Variants in PGM5 observed in about 807,000 individuals in gnomAD.
PGM5 encodes phosphoglucomutase 5.
PGM5 carries 23 observed loss-of-function variants against 59.2 expected under a neutral mutation model. The ratio of observed to expected loss-of-function variants is 0.39; its 90% CI spans 0.28 to 0.55. The LOEUF is 0.55. Ranked by LOEUF, PGM5 falls within the 20% of genes least tolerant of loss-of-function variation. The pLI is 0.66. For missense variants in PGM5, 574 were observed against 748.3 expected, an observed-to-expected ratio of 0.77 and a Z score of 2.72; for synonymous variants, 214 against 286.0, an observed-to-expected ratio of 0.75 and a Z score of 2.54.
intron 7 of PGM5, among the ~76,000 whole-genome samples, chr9:68,478,252 T>G (rs898092255): frequency 2.6e-5 from 4 of 152,244 alleles, no homozygotes; most frequent in Non-Finnish European, 5.9e-5. Context: ...TCTTCATTTG[T>G]GTGCCTGATG....
intron 6 of PGM5, among the ~76,000 whole-genome samples, chr9:68,427,798 G>A (rs1169925761): frequency 3.3e-5 from 5 of 152,134 alleles, no homozygotes; most frequent in Non-Finnish European, 7.3e-5. Context: ...CCAATCCTAG[G>A]TTTTCCATGA....
intron 9 of PGM5, among the ~76,000 whole-genome samples, chr9:68,494,547 C>T (rs1554688051): frequency 6.6e-6 from 1 of 152,164 alleles, no homozygotes; most frequent in Non-Finnish European, 1.5e-5. Context: ...CAAGTAACAC[C>T]CCAAAAGAAT....
intron 2 of PGM5, 105 bp downstream of exon 2, chr9:68,378,466 C>T: frequency 7.2e-7 from 1 of 1,383,096 alleles, no homozygotes; most frequent in East Asian, 2.6e-5. Context: ...TGCAGAGGAC[C>T]TAGCTCAGAA....
At chr9:68,499,467 T>C (rs554701298) in intron 10 of PGM5, 106 bp downstream of exon 10, 116 of 1,177,818 alleles carry the variant, frequency 9.8e-5, no homozygotes, top group Middle Eastern at 9.4e-4. Flanking sequence ...GAAAGGTACA[T>C]GATAATTTCA....
intron 2 of PGM5, among the ~76,000 whole-genome samples, chr9:68,382,384 T>C (rs1290970184): frequency 6.6e-6 from 1 of 151,724 alleles, no homozygotes; most frequent in Non-Finnish European, 1.5e-5. Context: ...GAACTAAATA[T>C]AAGATCTGAA....
At chr9:68,486,061 T>G (rs781855799) in intron 9 of PGM5, among the ~76,000 whole-genome samples, 2 of 152,158 alleles carry the variant, frequency 1.3e-5, no homozygotes, top group Non-Finnish European at 2.9e-5. Context: ...GAGTCTGGGG[T>G]ACACTTTAGG....
At chr9:68,485,713 G>C (rs1270994472) in intron 9 of PGM5, among the ~76,000 whole-genome samples, 1 of 152,114 alleles carries the variant, frequency 6.6e-6, no homozygotes, top group Non-Finnish European at 1.5e-5. Context: ...GCTATAAATG[G>C]ATACATGCTG....
intron 10 of PGM5, among the ~76,000 whole-genome samples, chr9:68,512,993 C>G (rs1824775098): frequency 6.6e-6 from 1 of 152,178 alleles, no homozygotes; most frequent in South Asian, 2.1e-4. Flanking sequence ...ATGGCTGCAC[C>G]AAAACCAGGT....
In PGM5 at chr9:68,454,500, G is replaced by A. The variant is rs1823742358; in HGVS notation, c.1044-10593G>A. On this transcript the variant is annotated intron_variant, in intron 6 of 10. Transcript: ENST00000396396. ...TCCATCTCAAAAATAGTTTGTTATG[G>A]CAGGATGATGCCGCAGTAGGAGAGT... Among the ~76,000 whole-genome samples the A allele has an allele frequency of 2.0e-5, 3 of 152,192 alleles. No individual in the cohort carries two copies. The South Asian group carries it at 6.2e-4, about 31-fold the overall frequency.
At chr9:68,436,672 CA>C (rs1823446678) in intron 6 of PGM5, among the ~76,000 whole-genome samples, 1 of 152,248 alleles carries the variant, frequency 6.6e-6, no homozygotes, top group African/African-American at 2.4e-5. Context: ...CCAACCACTT[CA>C]TCTCACAAAA....
chr9:68,490,396 G>A (rs2132098404), intron 9 of PGM5, among the ~76,000 whole-genome samples: 1 of 152,322 alleles, frequency 6.6e-6, no homozygotes, highest in African/African-American at 2.4e-5. Flanking sequence ...CACCAGGCTG[G>A]AGTGCAGTGG....
chr9:68,365,579 G>A (rs1473869969), intron 1 of PGM5, among the ~76,000 whole-genome samples: 1 of 152,192 alleles, frequency 6.6e-6, no homozygotes, highest in Non-Finnish European at 1.5e-5. Flanking sequence ...TGTATGAAAA[G>A]AAAAATTTCA....
At chr9:68,408,201 G>C (rs527750796) in intron 6 of PGM5, among the ~76,000 whole-genome samples, 1 of 152,292 alleles carries the variant, frequency 6.6e-6, no homozygotes, top group Non-Finnish European at 1.5e-5. Flanking sequence ...TGTGAGATTT[G>C]GATAAGGTCG....
chr9:68,375,666 G>T (rs1821859958), intron 1 of PGM5, among the ~76,000 whole-genome samples: 1 of 152,136 alleles, frequency 6.6e-6, no homozygotes, highest in African/African-American at 2.4e-5. Context: ...AAAAGTCCTT[G>T]GGCTTTACAT....
chr9:68,459,869 A>T (rs976941732), intron 6 of PGM5, among the ~76,000 whole-genome samples: 2 of 149,262 alleles, frequency 1.3e-5, no homozygotes, highest in Admixed American at 6.6e-5. Flanking sequence ...ATCTGCCTTT[A>T]AAAAAAACTA....
chr9:68,513,010 C>T (rs1401190009), intron 10 of PGM5, among the ~76,000 whole-genome samples: 3 of 152,184 alleles, frequency 2.0e-5, no homozygotes, highest in South Asian at 2.1e-4. Flanking sequence ...AGGTGGTGGC[C>T]AGGGTTTGGC....
chr9:68,425,045 T>C (rs1338834090), intron 6 of PGM5, among the ~76,000 whole-genome samples: 1 of 152,228 alleles, frequency 6.6e-6, no homozygotes, highest in Non-Finnish European at 1.5e-5. Flanking sequence ...TTTAAAAGTT[T>C]CTTATTTGAA....
At chr9:68,436,701 A>G (rs1823446831) in intron 6 of PGM5, among the ~76,000 whole-genome samples, 1 of 152,224 alleles carries the variant, frequency 6.6e-6, no homozygotes, top group Non-Finnish European at 1.5e-5. Context: ...CTGTTATTCA[A>G]GGTTACTTGA....
chr9:68,507,802 C>T (rs1490215379), intron 10 of PGM5, among the ~76,000 whole-genome samples: 2 of 152,134 alleles, frequency 1.3e-5, no homozygotes, highest in Non-Finnish European at 2.9e-5. Context: ...CCAGGGCAAA[C>T]AGTCCTTCTT....
Sources: gnomAD v4.1 joint callset for allele counts (sites outside exome capture counted in the v4.1 genomes callset) on GRCh38, gnomAD v4.1.1 for gene constraint, MANE v1.5 for transcripts, NCBI Gene and HGNC (gene_info 2026-07-23, HGNC 2026-07-21) for gene names.